The following SGCD variants were observed in gnomAD, a reference collection of about 807,000 sequenced individuals.
SGCD encodes sarcoglycan delta.
In SGCD, 18 loss-of-function variants were observed where a neutral mutation model predicts 36.6. That is an observed-to-expected ratio of 0.49 (90% CI 0.34 to 0.73). SGCD has a LOEUF of 0.73. Among genes scored for constraint, SGCD ranks in the 30% least tolerant of loss-of-function variants. The pLI, the probability that SGCD is intolerant of heterozygous loss-of-function variation, is 0.01. For missense variants in SGCD, 387 were observed against 346.7 expected (o/e 1.12, Z -0.92); for synonymous variants, 133 against 130.6 (o/e 1.02, Z -0.12).
At chr5:156,243,728 G>A (rs1765362679) in intron 3 of SGCD, among the ~76,000 whole-genome samples, 1 of 152,058 alleles carries the variant, frequency 6.6e-6, no homozygotes. Context: ...CTAGAACAAG[G>A]AAAATATAAA....
intron 3 of SGCD, among the ~76,000 whole-genome samples, chr5:156,403,644 G>A (rs555144720): frequency 6.6e-6 from 1 of 152,014 alleles, no homozygotes; most frequent in Non-Finnish European, 1.5e-5. Flanking sequence ...TAGAATTGGG[G>A]TCCCTCATGC....
chr5:155,833,839 T>C, the SGCD span, among the ~76,000 whole-genome samples: 1 of 152,216 alleles, frequency 6.6e-6, no homozygotes, highest in Non-Finnish European at 1.5e-5. Flanking sequence ...TAATTTTAGA[T>C]CAGGTCAACC....
At chr5:156,389,173 G>A (rs1166537759) in intron 3 of SGCD, among the ~76,000 whole-genome samples, 3 of 152,166 alleles carry the variant, frequency 2.0e-5, no homozygotes, top group Non-Finnish European at 4.4e-5. Flanking sequence ...TGGGACTTCT[G>A]TTGGCTACAA....
chr5:156,115,736 T>C (rs1466551200), intron 1 of SGCD, among the ~76,000 whole-genome samples: 1 of 152,136 alleles, frequency 6.6e-6, no homozygotes, highest in African/African-American at 2.4e-5. Flanking sequence ...ACTGTTATTT[T>C]TCTTGTAATT....
At chr5:155,773,776 G>C in the SGCD span, among the ~76,000 whole-genome samples, 2 of 152,154 alleles carry the variant, frequency 1.3e-5, no homozygotes, top group African/African-American at 4.8e-5. Context: ...TTAAGGTTTA[G>C]TGCCTTTTCT....
chr5:155,992,476 G>GA lies in SGCD; in HGVS notation c.-282+122057dup, dbSNP rs371727389. Among the ~76,000 whole-genome samples the GA allele has an allele frequency of 1.5e-3, 223 of 152,202 alleles. 3 individuals carry two copies. The highest frequency in any genetic ancestry group is 5.2e-3 in the African/African-American group (216 of 41,550). On this transcript the variant is annotated intron_variant, in intron 1 of 9. Transcript: ENST00000517913. ...TGAGAACCCTTCCTGCAAGCAGAGG[G>GA]AAAAATAACCTAAACACATTTTCAT...
chr5:156,532,543 C>G (rs755430548), intron 4 of SGCD, among the ~76,000 whole-genome samples: 1 of 152,178 alleles, frequency 6.6e-6, no homozygotes, highest in Non-Finnish European at 1.5e-5. Context: ...TCACTGCAAG[C>G]TCTGCCTCCT....
intron 4 of SGCD, among the ~76,000 whole-genome samples, chr5:156,561,576 T>A (rs769166970): frequency 1.3e-5 from 2 of 152,160 alleles, no homozygotes; most frequent in Non-Finnish European, 2.9e-5. Context: ...CTGTTCCTGT[T>A]AGGGTGGCGG....
intron 1 of SGCD, among the ~76,000 whole-genome samples, chr5:155,873,216 A>G (rs1010996714): frequency 6.6e-6 from 1 of 152,168 alleles, no homozygotes. Flanking sequence ...GCATGACTTT[A>G]GTTAGCCACA....
intron 1 of SGCD, among the ~76,000 whole-genome samples, chr5:156,069,377 G>C (rs1057069676): frequency 6.6e-6 from 1 of 152,076 alleles, no homozygotes; most frequent in Admixed American, 6.5e-5. Context: ...TTATTAAATA[G>C]GGAATCCTTT....
intron 1 of SGCD, among the ~76,000 whole-genome samples, chr5:156,038,090 A>T (rs908407458): frequency 8.5e-5 from 13 of 152,256 alleles, no homozygotes; most frequent in Non-Finnish European, 1.0e-4. Context: ...GAAGATGGGG[A>T]TAGAGACCAG....
chr5:156,603,138 A>G (rs548939327), intron 6 of SGCD, among the ~76,000 whole-genome samples: 33 of 152,108 alleles, frequency 2.2e-4, no homozygotes, highest in Admixed American at 3.3e-4. Context: ...GTCTGTTCCC[A>G]TTGTCTATTT....
chr5:156,070,239 C>G (rs202210962), intron 1 of SGCD, among the ~76,000 whole-genome samples: 2 of 151,882 alleles, frequency 1.3e-5, no homozygotes, highest in African/African-American at 2.4e-5. Flanking sequence ...CCAGTTTTTG[C>G]CCATTCAGTA....
chr5:155,829,357 A>G, the SGCD span, among the ~76,000 whole-genome samples: 1 of 149,652 alleles, frequency 6.7e-6, no homozygotes, highest in Non-Finnish European at 1.5e-5. Flanking sequence ...TGAAGTTTTA[A>G]GATACCTTCT....
intron 7 of SGCD, among the ~76,000 whole-genome samples, chr5:156,714,311 C>T (rs1755126755): frequency 6.6e-6 from 1 of 152,094 alleles, no homozygotes; most frequent in Non-Finnish European, 1.5e-5. Context: ...GCACTTTTGT[C>T]CTTTGATTTT....
At chr5:156,198,350 C>G (rs951723808) in intron 3 of SGCD, among the ~76,000 whole-genome samples, 1 of 152,060 alleles carries the variant, frequency 6.6e-6, no homozygotes, top group Non-Finnish European at 1.5e-5. Context: ...ATGTGTTTTC[C>G]TTTCATTTAG....
At chr5:155,881,048 T>C (rs759503544) in intron 1 of SGCD, among the ~76,000 whole-genome samples, 6 of 152,050 alleles carry the variant, frequency 3.9e-5, no homozygotes, top group Non-Finnish European at 7.4e-5. Flanking sequence ...GCTTTGGAGG[T>C]CACTTAATAA....
chr5:156,482,598 A>G lies in SGCD; in HGVS notation c.193-26003A>G, dbSNP rs554340241. Among the ~76,000 whole-genome samples the G allele has an allele frequency of 2.4e-4, 36 of 152,296 alleles. No homozygotes were observed. The South Asian group carries it at 6.8e-3, about 29-fold the overall frequency. ...GCTCTATGTTCTCTTTAGAAAAATG[A>G]TCCTCTTTAAAGTCAAAGTATCATA... is the stretch of plus-strand genomic sequence containing the variant. On this transcript the variant is annotated intron_variant, in intron 3 of 8. Coordinates refer to ENST00000337851, the MANE Select transcript of SGCD (RefSeq NM_000337.6).
rs10055411 is a variant in SGCD, at chr5:156,225,451, C to T, written c.-44+101432C>T. Among the ~76,000 whole-genome samples the T allele has an allele frequency of 3.2e-3, 485 of 152,100 alleles. 3 individuals carry two copies. Among genetic ancestry groups the T allele is most frequent in the African/African-American group, 0.011 (455 of 41,494 alleles). On this transcript the variant is annotated intron_variant, in intron 3 of 9. Transcript: ENST00000517913. ...TATTATTAGAATTACAATAATTTAT[C>T]CCAGTCAGACATTGAGGCCATGCAC... is the stretch of plus-strand genomic sequence containing the variant.
Sources: allele counts gnomAD v4.1 joint callset (sites outside exome capture counted in the v4.1 genomes callset), GRCh38; gene constraint gnomAD v4.1.1; transcripts MANE v1.5; gene names NCBI Gene and HGNC (gene_info 2026-07-23, HGNC 2026-07-21).